The following LRP10 variants were observed in gnomAD, a reference collection of about 807,000 sequenced individuals.
The protein encoded by LRP10 is LDL receptor related protein 10.
Under a neutral mutation model 58.5 loss-of-function variants are expected in LRP10, and 42 were observed. The ratio of observed to expected loss-of-function variants is 0.72; its 90% confidence interval spans 0.56 to 0.93. The LOEUF (loss-of-function observed/expected upper bound fraction) is 0.93, where lower values mean the gene tolerates loss of function less well. Among genes scored for constraint, LRP10 ranks in the 40% least tolerant of loss-of-function variants. The pLI is 0.00. For synonymous variants in LRP10, 377 were observed against 388.5 expected, an observed-to-expected ratio of 0.97 and a Z score of 0.35; for missense variants, 872 against 940.1, an observed-to-expected ratio of 0.93 and a Z score of 0.95.
Position 22,876,184 on chromosome 14 carries a change from G to C in LRP10, c.1236G>C (p.Val412=). ...TCCGATGCCGGGACGAGAAGTGCGTGTATGAGACGTGGGTGTGCGATGGGC... is the reference window on the plus strand; with the variant it reads ...TCCGATGCCGGGACGAGAAGTGCGTCTATGAGACGTGGGTGTGCGATGGGC... ...GNFRCRDEKC[V]YETWVCDGQP... Residue 412 remains valine, a synonymous_variant, in exon 5 of 7, where the codon GTG becomes GTC. Transcript: ENST00000359591. 1 of 1,614,226 alleles carries C rather than the reference G, an allele frequency of 6.2e-7. No individual in the cohort carries two copies. Among genetic ancestry groups the C allele is most frequent in the Non-Finnish European group, 8.5e-7 (1 of 1,180,036 alleles).
In LRP10 at chr14:22,872,355, A is replaced by C; in HGVS notation, c.34+18A>C. ...CCTCCTTGGTAAGAACCGAAACGAT[A>C]CCAACCCCCAGCCTTCTGTCACCGG... On this transcript the variant is annotated intron_variant, in intron 1 of 6. Coordinates refer to ENST00000359591, the MANE Select transcript of LRP10 (RefSeq NM_014045.5). 1 of 1,613,590 alleles carries C rather than the reference A, an allele frequency of 6.2e-7. No homozygotes were observed. The highest frequency in any genetic ancestry group is 2.2e-5 in the East Asian group (1 of 44,828).
chr14:22,872,614 C>T (rs1269078566), intron 1 of LRP10, 124 bp from the exon 2 acceptor site: 3 of 924,104 alleles, frequency 3.2e-6, no homozygotes, highest in Middle Eastern at 3.2e-4. Context: ...CCCTCTCCCG[C>T]CCCCCACTCC....
Position 22,872,338 on chromosome 14 carries a change from G to A in LRP10, c.34+1G>A. 9 of 1,613,920 alleles carry A rather than the reference G, an allele frequency of 5.6e-6. No individual in the cohort carries two copies. The highest frequency in any genetic ancestry group is 6.8e-6 in the Non-Finnish European group (8 of 1,179,940). ...GCCACCCTCCTCCTCCTCCTCCTTG[G>A]TAAGAACCGAAACGATACCAACCCC... On this transcript the variant is annotated splice_donor_variant, in intron 1 of 6. Transcript: ENST00000359591. LOFTEE classifies it high-confidence loss of function.
Position 22,875,504 on chromosome 14 carries a change from C to G in LRP10, c.556C>G (p.Pro186Ala). The change falls in exon 5 of 7, where the codon CCC becomes GCC. Residue 186 changes from proline to alanine, a missense_variant. Coordinates refer to ENST00000359591, the MANE Select transcript of LRP10 (RefSeq NM_014045.5). ...CCCCTTCCCTGGCCTGACCCCAAGA[C>G]CCGTCCCCTCCCTGCCTTGCAATGT... ...SDPFPGLTPR[P>A]VPSLPCNVTL... 1 of 1,614,212 alleles carries G rather than the reference C, an allele frequency of 6.2e-7. No homozygotes were observed. Among genetic ancestry groups the G allele is most frequent in the African/African-American group, 1.3e-5 (1 of 75,050 alleles).
In LRP10 at chr14:22,876,181, C is replaced by T. The variant is rs769743356; in HGVS notation, c.1233C>T (p.Cys411=). The T allele has an allele frequency of 5.0e-6, 8 of 1,614,080 alleles. No individual in the cohort carries two copies. The highest frequency in any genetic ancestry group is 1.6e-4 in the Middle Eastern group (1 of 6,084). The change falls in exon 5 of 7, where the codon TGC becomes TGT. Residue 411 remains cysteine (C), a synonymous_variant. Coordinates refer to ENST00000359591, the MANE Select transcript of LRP10 (RefSeq NM_014045.5). ...PGNFRCRDEK[C]VYETWVCDGQ... ...ATTTCCGATGCCGGGACGAGAAGTG[C>T]GTGTATGAGACGTGGGTGTGCGATG... is the stretch of plus-strand genomic sequence containing the variant.
rs766182103 is a variant in LRP10 at position 22,876,992 on chromosome 14, T to C, written c.1607T>C (p.Met536Thr). The C allele has an allele frequency of 2.5e-6, 4 of 1,607,768 alleles. No homozygotes were observed. The highest frequency in any genetic ancestry group is 3.4e-6 in the Non-Finnish European group (4 of 1,176,802). Residue 536 changes from methionine (M) to threonine (T), a missense_variant, in exon 7 of 7, where the codon ATG becomes ACG. Transcript: ENST00000359591. ...RSLLQILRQD[M>T]TPGGGPGARR... ...CTGCTACAGATCTTACGCCAGGATA[T>C]GACTCCAGGAGGTGGCCCAGGTGCC...
At chr14:22,876,904 G>C in intron 6 of LRP10, 36 bp from the exon 7 acceptor site, 1 of 1,583,736 alleles carries the variant, frequency 6.3e-7, no homozygotes, top group Non-Finnish European at 8.6e-7. Flanking sequence ...TCAGCCTTTG[G>C]CCCTCTGACT....
rs1432039481 is a variant in LRP10, at chr14:22,875,656, C to A, written c.708C>A (p.Phe236Leu). ...PHDGRRLAVR[F>L]TALDLGFGDA... is the part of the protein sequence containing the mutation. Reference sequence around the variant, plus strand: ...ATGGCCGGCGGCTGGCCGTGCGCTTCACAGCCCTGGACTTGGGCTTTGGAG... The same window carrying A: ...ATGGCCGGCGGCTGGCCGTGCGCTTAACAGCCCTGGACTTGGGCTTTGGAG... Residue 236 changes from phenylalanine to leucine, a missense_variant, in exon 5 of 7, where the codon TTC (phenylalanine) becomes TTA (leucine). Phe to Leu is a conservative substitution (Grantham distance 22). Transcript: ENST00000359591. The A allele has an allele frequency of 1.1e-5, 17 of 1,614,206 alleles. No individual in the cohort carries two copies. Among genetic ancestry groups the A allele is most frequent in the Non-Finnish European group, 1.4e-5 (17 of 1,180,044 alleles).
In LRP10 at chr14:22,876,687, A is replaced by G; in HGVS notation, c.1425-2A>G. 1.2e-6 allele frequency: 2 copies of G among 1,613,196 alleles called. No individual in the cohort carries two copies. The highest frequency in any genetic ancestry group is 1.7e-6 in the Non-Finnish European group (2 of 1,179,556). Reference sequence around the variant, plus strand: ...TGACTGAGCAGTCCTCATTCCTTCTAGCATCTTTGCCCCCCTCTCCCGGAT... The same window carrying G: ...TGACTGAGCAGTCCTCATTCCTTCTGGCATCTTTGCCCCCCTCTCCCGGAT... On this transcript the variant is annotated splice_acceptor_variant, in intron 5 of 6. Coordinates refer to ENST00000359591, the MANE Select transcript of LRP10 (RefSeq NM_014045.5). LOFTEE classifies it high-confidence loss of function.
Position 22,872,904 on chromosome 14 carries a change from T to G in LRP10, c.79+122T>G, listed in dbSNP as rs367925650. The G allele has an allele frequency of 5.2e-5, 51 of 985,296 alleles. No homozygotes were observed. In the East Asian group the frequency reaches 1.1e-3, roughly 22 times the overall value. The allele number at this position is 985,296 out of a possible 1,614,324, so 61.0% of individuals were successfully genotyped here. A position where few individuals can be genotyped will look rare whatever the true frequency, so the allele number is the denominator to read the frequency against. ...GTTTTAGAGGGGAGATAATTTAGCC[T>G]TTATTTATAGATAAGGAAGCTGAGG... On this transcript the variant is annotated intron_variant, in intron 2 of 6. Coordinates refer to ENST00000359591, the MANE Select transcript of LRP10 (RefSeq NM_014045.5).
rs577571844 is a variant in LRP10, at chr14:22,875,731, A to G, written c.783A>G (p.Leu261=). ...DGPGPPESSR[L]LRSLTHFSNG... Reference sequence around the variant, plus strand: ...CTGGGCCCCCTGAGAGCTCCCGACTACTGCGTAGTCTCACCCACTTCAGCA... The same window carrying G: ...CTGGGCCCCCTGAGAGCTCCCGACTGCTGCGTAGTCTCACCCACTTCAGCA... Residue 261 remains leucine, a synonymous_variant, in exon 5 of 7, where the codon CTA becomes CTG. Coordinates refer to ENST00000359591, the MANE Select transcript of LRP10 (RefSeq NM_014045.5). The G allele has an allele frequency of 3.7e-6, 6 of 1,613,884 alleles. No homozygotes were observed. In the African/African-American group the frequency reaches 8.0e-5, roughly 22 times the overall value.
Position 22,876,682 on chromosome 14 carries a change from C to G in LRP10, c.1425-7C>G, listed in dbSNP as rs941883585. 2.5e-6 allele frequency: 4 copies of G among 1,612,824 alleles called. No individual in the cohort carries two copies. The African/African-American group carries it at 4.0e-5, about 16-fold the overall frequency. On this transcript the variant is annotated splice_region_variant and splice_polypyrimidine_tract_variant and intron_variant, in intron 5 of 6. Transcript: ENST00000359591. Reference sequence around the variant, plus strand: ...ACCAGTGACTGAGCAGTCCTCATTCCTTCTAGCATCTTTGCCCCCCTCTCC... The same window carrying G: ...ACCAGTGACTGAGCAGTCCTCATTCGTTCTAGCATCTTTGCCCCCCTCTCC...
At chr14:22,875,030 G>A in intron 3 of LRP10, 25 bp from the exon 4 acceptor site, 1 of 1,492,552 alleles carries the variant, frequency 6.7e-7, no homozygotes, top group East Asian at 2.3e-5. Flanking sequence ...AGTATCTCAT[G>A]TCCTGCTCTC....
chr14:22,879,747 T>C lies in LRP10; in HGVS notation c.*2220T>C, dbSNP rs2040043149. On this transcript the variant is annotated 3_prime_UTR_variant, in exon 7 of 7. Transcript: ENST00000359591. Reference sequence around the variant, plus strand: ...TTCTGGTTGTGTGCTGTACGAGGTGTAGGTAGTAATAATACTCTTGTCAGC... The same window carrying C: ...TTCTGGTTGTGTGCTGTACGAGGTGCAGGTAGTAATAATACTCTTGTCAGC... The C allele has an allele frequency of 6.5e-6, 1 of 153,470 alleles. No homozygotes were observed. The highest frequency in any genetic ancestry group is 6.4e-5 in the Admixed American group (1 of 15,588). The allele number at this position is 153,470 out of a possible 1,614,324, so 9.5% of individuals were successfully genotyped here. A position where few individuals can be genotyped will look rare whatever the true frequency, so the allele number is the denominator to read the frequency against.
rs2039962051 is a variant in LRP10, at chr14:22,872,252, G to T, written c.-52G>T. 2 of 1,606,712 alleles carry T rather than the reference G, an allele frequency of 1.2e-6. No homozygotes were observed. The highest frequency in any genetic ancestry group is 2.2e-5 in the South Asian group (2 of 90,938). Reference sequence around the variant, plus strand: ...CCCGGGGCTCCGCCGCGACCCCATCGGGTAGACCACAGAAGCTCCGGGACC... The same window carrying T: ...CCCGGGGCTCCGCCGCGACCCCATCTGGTAGACCACAGAAGCTCCGGGACC... On this transcript the variant is annotated 5_prime_UTR_variant, in exon 1 of 7. Transcript: ENST00000359591.
Position 22,881,008 on chromosome 14 carries a change from A to C in LRP10, c.*3481A>C, listed in dbSNP as rs2040056079. 2 of 149,686 alleles carry C rather than the reference A, an allele frequency of 1.3e-5. No individual in the cohort carries two copies. The highest frequency in any genetic ancestry group is 1.3e-4 in the Admixed American group (2 of 15,024). 9.3% of individuals were successfully genotyped at this position (149,686 alleles called of 1,614,324 possible). ...ACAGAGCGAGACAAGACTCCATCTC[A>C]AAAAAAAAAGTGAGTGCCCGATGAT... On this transcript the variant is annotated 3_prime_UTR_variant, in exon 7 of 7. Transcript: ENST00000359591.
Position 22,879,322 on chromosome 14 carries a change from G to A in LRP10, c.*1795G>A. 1 of 400,990 alleles carries A rather than the reference G, an allele frequency of 2.5e-6. No homozygotes were observed. The highest frequency in any genetic ancestry group is 5.2e-6 in the Non-Finnish European group (1 of 191,994). 24.8% of individuals were successfully genotyped at this position (400,990 alleles called of 1,614,324 possible). A position where few individuals can be genotyped will look rare whatever the true frequency, so the allele number is the denominator to read the frequency against. On this transcript the variant is annotated 3_prime_UTR_variant, in exon 7 of 7. Coordinates refer to ENST00000359591, the MANE Select transcript of LRP10 (RefSeq NM_014045.5). ...CTGCAGACCCTCTCCAGAGACTGGG[G>A]AGAGGGCTCTGGAGAACCTGGTTCT... is the stretch of plus-strand genomic sequence containing the variant.
rs1404414285 is a variant in LRP10 at position 22,879,535 on chromosome 14, T to A, written c.*2008T>A. The A allele has an allele frequency of 2.0e-5, 4 of 204,342 alleles. No individual in the cohort carries two copies. The highest frequency in any genetic ancestry group is 1.6e-4 in the South Asian group (2 of 12,524). 12.7% of individuals were successfully genotyped at this position (204,342 alleles called of 1,614,324 possible). On this transcript the variant is annotated 3_prime_UTR_variant, in exon 7 of 7. Transcript: ENST00000359591. ...CACCTCAAATACCTGCAGCCTGATA[T>A]CTTCATCCCTTCATCCAGACCTTTT...
In LRP10 at chr14:22,876,811, C is replaced by T; in HGVS notation, c.1547C>T (p.Pro516Leu). The T allele has an allele frequency of 6.2e-7, 1 of 1,613,686 alleles. No homozygotes were observed. The highest frequency in any genetic ancestry group is 8.5e-7 in the Non-Finnish European group (1 of 1,179,774). Residue 516 changes from proline to leucine, a missense_variant, in exon 6 of 7, where the codon CCT becomes CTT. By Grantham distance (98) the Pro-to-Leu change is moderately conservative. Transcript: ENST00000359591. ...PPVEDFPTEN[P>L]NDNSVLGNLR... ...GTAGAAGACTTTCCTACAGAGAATC[C>T]TAATGATGTAAGTCACTCCCCACAA...
Sources: allele counts gnomAD v4.1 joint callset, GRCh38; gene constraint gnomAD v4.1.1; transcripts MANE v1.5; gene names NCBI Gene and HGNC (gene_info 2026-07-23, HGNC 2026-07-21).